NELFE: variants seen among roughly 807,000 people sequenced by gnomAD.
NELFE encodes negative elongation factor complex member E.
Under a neutral mutation model 55.5 loss-of-function variants are expected in NELFE, and 26 were observed. The observed-to-expected ratio is 0.47, with a 90% confidence interval of 0.34 to 0.65. The LOEUF (loss-of-function observed/expected upper bound fraction) is 0.65, where lower values mean the gene tolerates loss of function less well. Among genes scored for constraint, NELFE ranks in the 30% least tolerant of loss-of-function variants. The pLI is 0.01. For missense variants in NELFE, 403 were observed against 506.9 expected, an observed-to-expected ratio of 0.80 and a Z score of 1.97; for synonymous variants, 162 against 178.0, an observed-to-expected ratio of 0.91 and a Z score of 0.72.
chr6:31,954,363 G>A lies in NELFE; in HGVS notation c.822C>T (p.Thr274=), dbSNP rs144757043. 209 of 1,613,808 alleles carry A rather than the reference G, an allele frequency of 1.3e-4. No individual in the cohort carries two copies. The African/African-American group carries it at 2.7e-3, about 21-fold the overall frequency. ...AAGGAGAGAAGGCCCCACGGAGAAG[G>A]GTGGGTGTCATGTCTTCTCCATATA... ...LYVYGEDMTP[T]LLRGAFSPFG... Residue 274 remains threonine (T), a synonymous_variant, in exon 8 of 11, where the codon ACC becomes ACT. Coordinates refer to ENST00000375429, the MANE Select transcript of NELFE (RefSeq NM_002904.6). The surrounding 1 kb of genome is among the most constrained non-coding windows in gnomAD (Gnocchi z 5.5).
At position 31,957,811 on chromosome 6, in the gene NELFE, C is replaced by A. The variant is rs186519610; in HGVS notation, c.75+561G>T. 1.3e-4 allele frequency among the ~76,000 whole-genome samples: 19 copies of A among 149,248 alleles called. No homozygotes were observed. The East Asian group carries it at 2.0e-3, about 15-fold the overall frequency. ...TTGAACAGGAGTGAAGAAGTCTGTT[C>A]AAAAAAAAAGACTGAGAAATTTGTT... On this transcript the variant is annotated intron_variant, in intron 2 of 10. Coordinates refer to ENST00000375429, the MANE Select transcript of NELFE (RefSeq NM_002904.6).
rs769195461 is a variant in NELFE at position 31,957,028 on chromosome 6, AAG to A, written c.76-20_76-19del. 1.9e-6 allele frequency: 3 copies of A among 1,587,618 alleles called. No individual in the cohort carries two copies. The highest frequency in any genetic ancestry group is 2.6e-6 in the Non-Finnish European group (3 of 1,161,714). On this transcript the variant is annotated intron_variant, in intron 2 of 10. Coordinates refer to ENST00000375429, the MANE Select transcript of NELFE (RefSeq NM_002904.6). ...GCCTTTTTCTGGGAACAAGGGTGAG[AAG>A]AGAGAGGTAAGTGAGGGCCAGCCCC...
chr6:31,956,570 A>T, intron 4 of NELFE, 123 bp downstream of exon 4: 3 of 1,031,328 alleles, frequency 2.9e-6, no homozygotes, highest in Non-Finnish European at 4.3e-6. Flanking sequence ...TTTATACATG[A>T]GAGGTGAAAC....
chr6:31,953,660 G>C, intron 10 of NELFE, 69 bp downstream of exon 10: 1 of 1,316,908 alleles, frequency 7.6e-7, no homozygotes, highest in Non-Finnish European at 1.1e-6. Flanking sequence ...GAAACCCAAG[G>C]ATGTGTGGGG....
In NELFE at chr6:31,954,257, T is replaced by C; in HGVS notation, c.887+41A>G. ...TTCCCTCAGGTCTCACACCCCAGGA[T>C]TCTCCCAGGACTTCTCATCATGCCC... On this transcript the variant is annotated intron_variant, in intron 8 of 10. Transcript: ENST00000375429. This position sits in a 1 kb window ranked among gnomAD's most constrained non-coding sequence, Gnocchi z 5.5. The C allele has an allele frequency of 1.2e-6, 2 of 1,610,244 alleles. No homozygotes were observed. Among genetic ancestry groups the C allele is most frequent in the Non-Finnish European group, 1.7e-6 (2 of 1,177,680 alleles).
chr6:31,955,448 ATTTTTTT>A (rs72274522), intron 4 of NELFE, among the ~76,000 whole-genome samples, 155 bp from the exon 5 acceptor site: 1 of 122,734 alleles, frequency 8.1e-6, no homozygotes, highest in African/African-American at 3.1e-5. Flanking sequence ...GGTTTTACTT[ATTTTTTT>A]TTTTTTTTTT....
At chr6:31,953,902 G>A (rs1771908865) in intron 9 of NELFE, 71 bp from the exon 10 acceptor site, 2 of 1,428,952 alleles carry the variant, frequency 1.4e-6, no homozygotes, top group Non-Finnish European at 2.0e-6. Context: ...GTTATTCCAG[G>A]AGTTGCTATC....
At position 31,955,559 on chromosome 6, in the gene NELFE, C is replaced by T. The variant is rs554398140; in HGVS notation, c.292-266G>A. 2.7e-5 allele frequency among the ~76,000 whole-genome samples: 4 copies of T among 150,720 alleles called. No homozygotes were observed. The East Asian group carries it at 5.9e-4, about 22-fold the overall frequency. ...GACCTCCCATGCTCAAGCAATCCTC[C>T]TACCTCAGCCTCCCTAGTAGCTGGG... On this transcript the variant is annotated intron_variant, in intron 4 of 10. Coordinates refer to ENST00000375429, the MANE Select transcript of NELFE (RefSeq NM_002904.6).
rs1771915471 is a variant in NELFE at position 31,954,020 on chromosome 6, TGAG to T, written c.942+57_942+59del. 10 of 1,571,120 alleles carry T rather than the reference TGAG, an allele frequency of 6.4e-6. No homozygotes were observed. The highest frequency in any genetic ancestry group is 3.4e-5 in the Admixed American group (2 of 58,934). On this transcript the variant is annotated intron_variant, in intron 9 of 10. Transcript: ENST00000375429. The surrounding 1 kb of genome is among the most constrained non-coding windows in gnomAD (Gnocchi z 5.5). ...AACTTCTTCCTGGCATCTAGTATTT[TGAG>T]GAGAACACATGAGAACAGCAGAAGC...
chr6:31,958,730 C>G, intron 1 of NELFE, 162 bp downstream of exon 1: 1 of 702,264 alleles, frequency 1.4e-6, no homozygotes, highest in Non-Finnish European at 2.6e-6. Context: ...AAGACGATGG[C>G]ACCCGACCCC....
chr6:31,952,235 C>T lies in NELFE; in HGVS notation c.*66G>A. The T allele has an allele frequency of 1.4e-6, 2 of 1,456,932 alleles. No individual in the cohort carries two copies. The highest frequency in any genetic ancestry group is 1.2e-5 in the South Asian group (1 of 84,532). The allele number at this position is 1,456,932 out of a possible 1,614,324, so 90.3% of individuals were successfully genotyped here. On this transcript the variant is annotated 3_prime_UTR_variant, in exon 11 of 11. Transcript: ENST00000375429. Reference sequence around the variant, plus strand: ...GAGGCTGAGGGAGATGTGTAAGCTTCCACCTCAGTGTTTTACTGAGACCAG... The same window carrying T: ...GAGGCTGAGGGAGATGTGTAAGCTTTCACCTCAGTGTTTTACTGAGACCAG...
In NELFE at chr6:31,955,308, G is replaced by T; in HGVS notation, c.292-15C>A. On this transcript the variant is annotated splice_polypyrimidine_tract_variant and intron_variant, in intron 4 of 10. Coordinates refer to ENST00000375429, the MANE Select transcript of NELFE (RefSeq NM_002904.6). ...TTCTCGGGGTCCTGGAGTGGTGAGAGACCTACCTCAGTGTGGAGCAGGAGG... is the reference window on the plus strand; with the variant it reads ...TTCTCGGGGTCCTGGAGTGGTGAGATACCTACCTCAGTGTGGAGCAGGAGG... 6.5e-7 allele frequency: 1 copy of T among 1,547,850 alleles called. No homozygotes were observed. Among genetic ancestry groups the T allele is most frequent in the Non-Finnish European group, 8.7e-7 (1 of 1,150,244 alleles).
At chr6:31,955,646 T>C (rs1449935948) in intron 4 of NELFE, among the ~76,000 whole-genome samples, 1 of 147,930 alleles carries the variant, frequency 6.8e-6, no homozygotes, top group Non-Finnish European at 1.5e-5. Context: ...TTTGTAGAGA[T>C]AGGGTTTCAC....
At position 31,958,907 on chromosome 6, in the gene NELFE, C is replaced by T. The variant is rs1040037824; in HGVS notation, c.-24G>A. ...AGGGCCTTACCCGAGGGGGCGGCAACCGGGGGCCCCACGGTCTCCGGCCGC... is the reference window on the plus strand; with the variant it reads ...AGGGCCTTACCCGAGGGGGCGGCAATCGGGGGCCCCACGGTCTCCGGCCGC... On this transcript the variant is annotated 5_prime_UTR_variant, in exon 1 of 11. Coordinates refer to ENST00000375429, the MANE Select transcript of NELFE (RefSeq NM_002904.6). 8.4e-6 allele frequency: 5 copies of T among 594,140 alleles called. No homozygotes were observed. In the Admixed American group the frequency reaches 1.2e-4, roughly 15 times the overall value. The allele number at this position is 594,140 out of a possible 1,614,324, so 36.8% of individuals were successfully genotyped here.
rs751273626 is a variant in NELFE, at chr6:31,955,264, G to A, written c.321C>T (p.Phe107=). ...CAGATATGCTCCTCTGGAACGGCTG[G>A]AAAGTGGGGACTGGTCCCTTCTCGG... The part of the protein sequence containing the change: ...KDPEKGPVPT[F]QPFQRSISAD... The change falls in exon 5 of 11, where the codon TTC becomes TTT. Residue 107 remains phenylalanine (F), a synonymous_variant. Transcript: ENST00000375429. 6 of 1,597,672 alleles carry A rather than the reference G, an allele frequency of 3.8e-6. No individual in the cohort carries two copies. Among genetic ancestry groups the A allele is most frequent in the Admixed American group, 1.7e-5 (1 of 58,092 alleles).
Position 31,952,179 on chromosome 6 carries a change from T to C in NELFE, c.*122A>G, listed in dbSNP as rs760070. On this transcript the variant is annotated 3_prime_UTR_variant, in exon 11 of 11. Transcript: ENST00000375429. ...CAAACCTGACAGCCGTTTTTAAAGG[T>C]TTAACCCCAATCCCAAGTGCTGAAA... The C allele has an allele frequency of 0.099, 142,316 of 1,433,984 alleles. 7,990 individuals are homozygous for C. Among genetic ancestry groups the C allele is most frequent in the African/African-American group, 0.19 (13,634 of 71,016 alleles). 88.8% of individuals were successfully genotyped at this position (1,433,984 alleles called of 1,614,324 possible). A position where few individuals can be genotyped will look rare whatever the true frequency, so the allele number is the denominator to read the frequency against.
chr6:31,957,974 G>A (rs1466430118), intron 2 of NELFE, among the ~76,000 whole-genome samples: 2 of 152,210 alleles, frequency 1.3e-5, no homozygotes, highest in Non-Finnish European at 2.9e-5. Context: ...GCAAATAGTG[G>A]GGAAGTCAGA....
intron 9 of NELFE, 35 bp from the exon 10 acceptor site, chr6:31,953,866 G>A: frequency 6.4e-7 from 1 of 1,556,582 alleles, no homozygotes. Flanking sequence ...GGATGGGGAG[G>A]AAAACATTAC....
At chr6:31,958,296 G>A in intron 2 of NELFE, 76 bp downstream of exon 2, 1 of 1,389,670 alleles carries the variant, frequency 7.2e-7, no homozygotes, top group Non-Finnish European at 1.0e-6. Context: ...TTCCCCATTC[G>A]CTCACACTCA....
Sources: gnomAD v4.1 joint callset for allele counts (sites outside exome capture counted in the v4.1 genomes callset) on GRCh38, gnomAD v4.1.1 for gene constraint, Gnocchi (gnomAD v3.1) non-coding constraint, MANE v1.5 for transcripts, NCBI Gene and HGNC (gene_info 2026-07-23, HGNC 2026-07-21) for gene names.